The following AHNAK2 variants were observed in gnomAD, a reference collection of about 807,000 sequenced individuals.
AHNAK2 encodes the protein protein AHNAK2.
Under a neutral mutation model 30.7 loss-of-function variants are expected in AHNAK2, and 18 were observed. The observed-to-expected ratio is 0.59, with a 90% CI of 0.41 to 0.87. The LOEUF is 0.87. AHNAK2 is among the 40% of genes least tolerant of loss of function. AHNAK2 has a pLI of 0.00. For synonymous variants in AHNAK2, 3,590 were observed against 3,073.8 expected (o/e 1.17, Z -5.56); for missense variants, 8,604 against 7,373.0 (o/e 1.17, Z -6.11).
Position 104,952,006 on chromosome 14 carries a change from G to T in AHNAK2, c.3445C>A (p.Leu1149Met), listed in dbSNP as rs1282187791. The change falls in exon 7 of 7, where the codon CTG becomes ATG. Residue 1149 changes from leucine (L) to methionine (M), a missense_variant. Leu to Met is a conservative substitution (Grantham distance 15). Coordinates refer to ENST00000333244, the MANE Select transcript of AHNAK2 (RefSeq NM_138420.4). ...GTCACATCCTTGTCGGCCAGGGACA[G>T]TTCCCCCTCCAGCCGCGCACTGTCC... is the stretch of plus-strand genomic sequence containing the variant. Reference protein sequence around the residue: ...KLDSARLEGELSLADKDVTAK... With the variant: ...KLDSARLEGEMSLADKDVTAK... The T allele has an allele frequency of 5.0e-6, 8 of 1,612,336 alleles. No homozygotes were observed. In the African/African-American group the frequency reaches 9.4e-5, roughly 19 times the overall value.
chr14:104,963,529 T>A (rs552467400), intron 1 of AHNAK2, among the ~76,000 whole-genome samples: 2 of 152,352 alleles, frequency 1.3e-5, no homozygotes, highest in South Asian at 4.1e-4. Context: ...TATTGGTCTA[T>A]ATTAAAATTA....
In AHNAK2 at chr14:104,941,597, G is replaced by A. The variant is rs760948655; in HGVS notation, c.13854C>T (p.His4618=). 40 of 1,613,182 alleles carry A rather than the reference G, an allele frequency of 2.5e-5. No homozygotes were observed. The highest frequency in any genetic ancestry group is 1.6e-4 in the Middle Eastern group (1 of 6,084). Residue 4618 remains histidine, a synonymous_variant, in exon 7 of 7, where the codon CAC becomes CAT. Coordinates refer to ENST00000333244, the MANE Select transcript of AHNAK2 (RefSeq NM_138420.4). ...ARLEGDLSLA[H]EDVAGKDSKF... The stretch of plus-strand genomic sequence containing the variant: ...TACTGTCTTTCCCAGCTACATCCTC[G>A]TGGGCCAGGGACAGGTCCCCCTCAA...
chr14:104,975,614 G>A (rs966718272), intron 1 of AHNAK2, among the ~76,000 whole-genome samples: 9 of 152,218 alleles, frequency 5.9e-5, no homozygotes, highest in Admixed American at 1.3e-4. Flanking sequence ...CGACCAAAGC[G>A]TGCGACATTC....
chr14:104,948,456 G>A lies in AHNAK2; in HGVS notation c.6995C>T (p.Ala2332Val), dbSNP rs777149413. 3.0e-5 allele frequency: 48 copies of A among 1,610,596 alleles called. 1 individual carries two copies. The South Asian group carries it at 5.1e-4, about 17-fold the overall frequency. ...TGAGGCCTCGATGGACTTGCCAAGG[G>A]CAGACACCCCAAACGACAGCATCTT... ...KFKMLSFGVS[A>V]LGKSIEASAD... The change falls in exon 7 of 7, where the codon GCC (alanine) becomes GTC (valine). Residue 2332 changes from alanine (A) to valine (V), a missense_variant. Transcript: ENST00000333244.
At position 104,952,468 on chromosome 14, in the gene AHNAK2, C is replaced by T. The variant is rs780799166; in HGVS notation, c.2983G>A (p.Asp995Asn). The part of the protein sequence containing the change: ...SLADKDVTAK[D>N]SKFKMPKFKM... Reference sequence around the variant, plus strand: ...AACTTGGGCATTTTGAACTTGCTGTCTTTGGCAGTCACGTCCTTGTCGGCC... The same window carrying T: ...AACTTGGGCATTTTGAACTTGCTGTTTTTGGCAGTCACGTCCTTGTCGGCC... The change falls in exon 7 of 7, where the codon GAC (aspartate) becomes AAC (asparagine). Residue 995 changes from aspartate to asparagine, a missense_variant. Asp to Asn is a conservative substitution (Grantham distance 23). Transcript: ENST00000333244. 1.2e-5 allele frequency: 20 copies of T among 1,612,718 alleles called. No individual in the cohort carries two copies. The highest frequency in any genetic ancestry group is 1.6e-4 in the Middle Eastern group (1 of 6,076).
Position 104,945,592 on chromosome 14 carries a change from C to G in AHNAK2, c.9859G>C (p.Gly3287Arg). ...DVEAPGAKLD[G>R]ARLEGDLSLA... The stretch of plus-strand genomic sequence containing the variant: ...GACAGGTCCCCCTCCAGCCGTGCAC[C>G]ATCCAACTTGGCTCCTGGGGCCTCG... The change falls in exon 7 of 7, where the codon GGT becomes CGT. Residue 3287 changes from glycine (G) to arginine (R), a missense_variant. Physicochemically the swap from Gly to Arg is moderately radical, Grantham distance 125. Transcript: ENST00000333244. The G allele has an allele frequency of 6.2e-7, 1 of 1,606,462 alleles. No individual in the cohort carries two copies. Among genetic ancestry groups the G allele is most frequent in the Non-Finnish European group, 8.5e-7 (1 of 1,175,938 alleles).
chr14:104,957,584 G>A, intron 2 of AHNAK2, 30 bp downstream of exon 2: 1 of 1,606,110 alleles, frequency 6.2e-7, no homozygotes, highest in Non-Finnish European at 8.5e-7. Context: ...AGGGTATGAG[G>A]AGGACACACT....
rs758988693 is a variant in AHNAK2, at chr14:104,947,887, T to C, written c.7564A>G (p.Met2522Val). Reference protein sequence around the residue: ...KVEADGSLSSMQGDLKATDLS... With the variant: ...KVEADGSLSSVQGDLKATDLS... ...TCAGTGGCCTTGAGGTCCCCCTGCA[T>C]GGAGGAGAGGCTCCCGTCGGCCTCC... Residue 2522 changes from methionine (M) to valine (V), a missense_variant, in exon 7 of 7, where the codon ATG becomes GTG. Met to Val is a conservative substitution (Grantham distance 21). Transcript: ENST00000333244. The C allele has an allele frequency of 6.2e-6, 10 of 1,612,508 alleles. No individual in the cohort carries two copies. The South Asian group carries it at 1.1e-4, about 18-fold the overall frequency.
At position 104,939,812 on chromosome 14, in the gene AHNAK2, C is replaced by T; in HGVS notation, c.15639G>A (p.Leu5213=). The part of the protein sequence containing the change: ...SFRDRGGAGK[L]EVAQTQAPAA... ...CCGGTGCCTGTGTCTGAGCCACTTCCAGCTTTCCAGCCCCGCCTCTGTCCC... is the reference window on the plus strand; with the variant it reads ...CCGGTGCCTGTGTCTGAGCCACTTCTAGCTTTCCAGCCCCGCCTCTGTCCC... The change falls in exon 7 of 7, where the codon CTG becomes CTA. Residue 5213 remains leucine (L), a synonymous_variant. Transcript: ENST00000333244. 6.2e-7 allele frequency: 1 copy of T among 1,613,642 alleles called. No homozygotes were observed.
rs182857858 is a variant in AHNAK2, at chr14:104,941,264, T to C, written c.14187A>G (p.Ile4729Met). ...ATGATAAAGGAATCGTGGAAAGACC[T>C]ATGCTAGACTTTGCACCTGGGACTA... ...DSLVPGAKSS[I>M]GLSTIPLSSS... is the part of the protein sequence containing the mutation. Residue 4729 changes from isoleucine (I) to methionine (M), a missense_variant, in exon 7 of 7, where the codon ATA becomes ATG. Physicochemically the swap from Ile to Met is conservative, Grantham distance 10 (BLOSUM62 1). Transcript: ENST00000333244. 2,214 of 1,613,574 alleles carry C rather than the reference T, an allele frequency of 1.4e-3. 29 individuals are homozygous for C. The South Asian group carries it at 0.017, about 12-fold the overall frequency.
Position 104,948,905 on chromosome 14 carries a change from C to A in AHNAK2, c.6546G>T (p.Lys2182Asn), listed in dbSNP as rs200922560. 3.2e-6 allele frequency: 5 copies of A among 1,584,928 alleles called. No homozygotes were observed. The East Asian group carries it at 9.3e-5, about 29-fold the overall frequency. ...IEASVDVSPP[K>N]VEADMSLPSM... The stretch of plus-strand genomic sequence containing the variant: ...AGGGGAGACTCATGTCGGCCTCCAC[C>A]TTGGGTGGAGACACATCCACCGAGG... The change falls in exon 7 of 7, where the codon AAG (lysine) becomes AAT (asparagine). Residue 2182 changes from lysine (K) to asparagine (N), a missense_variant. Physicochemically the swap from Lys to Asn is moderately conservative, Grantham distance 94. Coordinates refer to ENST00000333244, the MANE Select transcript of AHNAK2 (RefSeq NM_138420.4).
rs759937852 is a variant in AHNAK2 at position 104,945,296 on chromosome 14, A to T, written c.10155T>A (p.Ala3385=). ...CCTTGGGCAGGTGCCCTTTGAGGCCAGCTCCCTCGGGCACGTGGCCCTCCG... is the reference window on the plus strand; with the variant it reads ...CCTTGGGCAGGTGCCCTTTGAGGCCTGCTCCCTCGGGCACGTGGCCCTCCG... ...KLPEGHVPEG[A]GLKGHLPKVE... The change falls in exon 7 of 7, where the codon GCT becomes GCA. Residue 3385 remains alanine (A), a synonymous_variant. Transcript: ENST00000333244. 3 of 1,610,818 alleles carry T rather than the reference A, an allele frequency of 1.9e-6. No individual in the cohort carries two copies. In the African/African-American group the frequency reaches 4.1e-5, roughly 22 times the overall value.
intron 1 of AHNAK2, among the ~76,000 whole-genome samples, chr14:104,976,059 C>G (rs1260625840): frequency 6.6e-6 from 1 of 150,788 alleles, no homozygotes; most frequent in Non-Finnish European, 1.5e-5. Context: ...CTTGGGGGGT[C>G]GTGGGAGGTG....
At position 104,941,155 on chromosome 14, in the gene AHNAK2, C is replaced by T. The variant is rs1456612326; in HGVS notation, c.14296G>A (p.Gly4766Arg). 5.6e-6 allele frequency: 9 copies of T among 1,613,546 alleles called. No homozygotes were observed. The highest frequency in any genetic ancestry group is 1.3e-5 in the African/African-American group (1 of 75,028). ...SMQMPKVGFA[G>R]FPSSRLDLTG... The stretch of plus-strand genomic sequence containing the variant: ...AGATCAAGCCGGGATGATGGAAACC[C>T]AGCAAAACCCACCTTAGGCATCTGC... Residue 4766 changes from glycine (G) to arginine (R), a missense_variant, in exon 7 of 7, where the codon GGG (glycine) becomes AGG (arginine). Coordinates refer to ENST00000333244, the MANE Select transcript of AHNAK2 (RefSeq NM_138420.4).
At chr14:104,961,445 G>A (rs190981255) in intron 1 of AHNAK2, among the ~76,000 whole-genome samples, 15,019 of 151,434 alleles carry the variant, frequency 0.099, 1,019 homozygotes, top group Non-Finnish European at 0.15. Context: ...ACCCCGGGGG[G>A]CGGAGCCTGC....
In AHNAK2 at chr14:104,952,009, C is replaced by G; in HGVS notation, c.3442G>C (p.Glu1148Gln). ...AKLDSARLEG[E>Q]LSLADKDVTA... ...ACATCCTTGTCGGCCAGGGACAGTT[C>G]CCCCTCCAGCCGCGCACTGTCCAGC... The change falls in exon 7 of 7, where the codon GAA (glutamate) becomes CAA (glutamine). Residue 1148 changes from glutamate to glutamine, a missense_variant. By Grantham distance (29) the Glu-to-Gln change is conservative (BLOSUM62 2). Transcript: ENST00000333244. 5.0e-6 allele frequency: 8 copies of G among 1,612,538 alleles called. No individual in the cohort carries two copies. Among genetic ancestry groups the G allele is most frequent in the Non-Finnish European group, 6.8e-6 (8 of 1,179,612 alleles).
intron 1 of AHNAK2, among the ~76,000 whole-genome samples, chr14:104,976,754 G>A (rs112076522): frequency 0.013 from 2,051 of 152,252 alleles, 47 homozygotes; most frequent in African/African-American, 0.047. Flanking sequence ...CTGCAGCTTG[G>A]GAGTCTCTGG....
rs564411598 is a variant in AHNAK2 at position 104,966,243 on chromosome 14, G to C, written c.56-8571C>G. 4.3e-4 allele frequency among the ~76,000 whole-genome samples: 65 copies of C among 152,096 alleles called. No homozygotes were observed. Among genetic ancestry groups the C allele is most frequent in the African/African-American group, 1.5e-3 (63 of 41,472 alleles). On this transcript the variant is annotated intron_variant, in intron 1 of 6. Coordinates refer to ENST00000333244, the MANE Select transcript of AHNAK2 (RefSeq NM_138420.4). The surrounding 1 kb of genome is among the most constrained non-coding windows in gnomAD (Gnocchi z 4.3). ...ATCCCGGCCCCGCCACCTTCCTACT[G>C]CTCCGGGGGCCAGGCCCAGACCCCT...
chr14:104,956,184 T>C (rs537159703), intron 4 of AHNAK2, among the ~76,000 whole-genome samples: 144 of 152,316 alleles, frequency 9.5e-4, no homozygotes, highest in African/African-American at 3.2e-3. Context: ...GCCCTCATCA[T>C]TGGGTGCTAG....
Sources: gnomAD v4.1 joint callset for allele counts (sites outside exome capture counted in the v4.1 genomes callset) on GRCh38, gnomAD v4.1.1 for gene constraint, Gnocchi (gnomAD v3.1) non-coding constraint, MANE v1.5 for transcripts, NCBI Gene and HGNC (gene_info 2026-07-23, HGNC 2026-07-21) for gene names.